The following PNPLA1 variants were observed in gnomAD, a reference collection of about 807,000 sequenced individuals.
The protein encoded by PNPLA1 is patatin like domain 1, omega-hydroxyceramide transacylase.
A neutral mutation model predicts 51.7 loss-of-function variants in PNPLA1; 36 were observed. That is an observed-to-expected ratio of 0.70 (90% CI 0.53 to 0.92). The LOEUF is 0.92. Ranked by LOEUF, PNPLA1 falls within the 40% of genes least tolerant of loss-of-function variation. The probability of loss-of-function intolerance (pLI) is 0.00; values close to 1 mark genes in which losing one functional copy is unlikely to be tolerated. For missense variants in PNPLA1, 658 were observed against 682.5 expected (o/e 0.96, Z 0.40); for synonymous variants, 293 against 280.1 (o/e 1.05, Z -0.46).
intron 1 of PNPLA1, among the ~76,000 whole-genome samples, chr6:36,281,742 G>A (rs935635852): frequency 2.6e-5 from 4 of 152,024 alleles, no homozygotes; most frequent in African/African-American, 9.7e-5. Context: ...AGATCTGGCC[G>A]GGTGCAGTGG....
At chr6:36,285,223 C>T (rs1218675546) in intron 1 of PNPLA1, among the ~76,000 whole-genome samples, 1 of 152,242 alleles carries the variant, frequency 6.6e-6, no homozygotes, top group Non-Finnish European at 1.5e-5. Flanking sequence ...TCTGAGCATT[C>T]GTCGGCGCCT....
chr6:36,264,038 A>G (rs1372380687), intron 1 of PNPLA1, among the ~76,000 whole-genome samples: 2 of 152,098 alleles, frequency 1.3e-5, no homozygotes, highest in African/African-American at 2.4e-5. Flanking sequence ...CTTCTGCCCC[A>G]TGACCGAACC....
At chr6:36,255,750 G>A (rs552481963) in intron 1 of PNPLA1, among the ~76,000 whole-genome samples, 10 of 152,204 alleles carry the variant, frequency 6.6e-5, no homozygotes, top group African/African-American at 2.4e-4. Flanking sequence ...ATTCTGTGAA[G>A]GTCTCTGAAA....
intron 1 of PNPLA1, among the ~76,000 whole-genome samples, chr6:36,257,918 T>C (rs1184956742): frequency 6.6e-6 from 1 of 152,258 alleles, no homozygotes; most frequent in Non-Finnish European, 1.5e-5. Flanking sequence ...TTGTTTTAGC[T>C]AGCCGTTAAA....
chr6:36,271,326 T>C (rs1769910383), intron 1 of PNPLA1, among the ~76,000 whole-genome samples: 1 of 152,158 alleles, frequency 6.6e-6, no homozygotes, highest in African/African-American at 2.4e-5. Context: ...GGACAGCAGA[T>C]GCATCTAGCA....
intron 8 of PNPLA1, among the ~76,000 whole-genome samples, chr6:36,311,176 T>A (rs1771400930): frequency 6.6e-6 from 1 of 152,198 alleles, no homozygotes; most frequent in African/African-American, 2.4e-5. Context: ...TGATGCACGC[T>A]GGAGTTTGAG....
chr6:36,290,565 G>A lies in PNPLA1; in HGVS notation c.206-755G>A, dbSNP rs998759541. On this transcript the variant is annotated intron_variant, in intron 1 of 8. Coordinates refer to ENST00000636260, the MANE Select transcript of PNPLA1 (RefSeq NM_001374623.1). ...ATTGTTGTGGGAATTAAGCAAGTTA[G>A]CACTTCTTATTAAGCTTACAACCCA... Among the ~76,000 whole-genome samples the A allele has an allele frequency of 2.6e-5, 4 of 152,316 alleles. No homozygotes were observed. The East Asian group carries it at 7.7e-4, about 29-fold the overall frequency.
intron 1 of PNPLA1, among the ~76,000 whole-genome samples, chr6:36,243,467 C>A (rs1366338243): frequency 6.6e-6 from 1 of 152,170 alleles, no homozygotes; most frequent in Non-Finnish European, 1.5e-5. Context: ...GTGGCAAGAG[C>A]TCCATCTTTG....
At chr6:36,257,734 C>G (rs1561848502) in intron 1 of PNPLA1, among the ~76,000 whole-genome samples, 1 of 152,176 alleles carries the variant, frequency 6.6e-6, no homozygotes, top group African/African-American at 2.4e-5. Context: ...GTTTTTACAT[C>G]TGAGTTGTCT....
At chr6:36,265,119 T>C (rs1440583024), upstream of PNPLA1, among the ~76,000 whole-genome samples, 2 of 152,040 alleles carry the variant, frequency 1.3e-5, no homozygotes, top group Non-Finnish European at 2.9e-5. Flanking sequence ...GGGGGGCGGG[T>C]CACCTGAGGT....
Position 36,291,560 on chromosome 6 carries a change from G to T in PNPLA1, c.438+8G>T, listed in dbSNP as rs1378026385. ...AAGGAGGAGCTCATTGAGGCAAGGG[G>T]GCTGGGCTGGGAGGGAGGGACACGG... On this transcript the variant is annotated splice_region_variant and intron_variant, in intron 2 of 8. Transcript: ENST00000636260. 2.6e-5 allele frequency: 38 copies of T among 1,436,128 alleles called. No individual in the cohort carries two copies. The highest frequency in any genetic ancestry group is 3.1e-5 in the Non-Finnish European group (32 of 1,037,158). The allele number at this position is 1,436,128 out of a possible 1,614,324, so 89.0% of individuals were successfully genotyped here.
chr6:36,247,192 G>T (rs1324751468), intron 1 of PNPLA1, among the ~76,000 whole-genome samples: 1 of 151,894 alleles, frequency 6.6e-6, no homozygotes, highest in Non-Finnish European at 1.5e-5. Context: ...TTTCCGGCTC[G>T]TGCCTTGGAG....
chr6:36,285,475 C>T (rs1770459609), intron 1 of PNPLA1, among the ~76,000 whole-genome samples: 1 of 152,228 alleles, frequency 6.6e-6, no homozygotes, highest in Admixed American at 6.5e-5. Flanking sequence ...TTATCAGCCC[C>T]AACTGCCCGC....
rs114568697 is a variant in PNPLA1, at chr6:36,300,909, G to C, written c.776-952G>C. ...TCTTCTCCCTGATTTACTTACCTACGTAATATATGTTTATATCAGTATGGA... is the reference window on the plus strand; with the variant it reads ...TCTTCTCCCTGATTTACTTACCTACCTAATATATGTTTATATCAGTATGGA... On this transcript the variant is annotated intron_variant, in intron 5 of 8. Coordinates refer to ENST00000636260, the MANE Select transcript of PNPLA1 (RefSeq NM_001374623.1). 4.5e-3 allele frequency among the ~76,000 whole-genome samples: 680 copies of C among 152,128 alleles called. 14 individuals carry two copies. The highest frequency in any genetic ancestry group is 0.016 in the African/African-American group (650 of 41,472).
In PNPLA1 at chr6:36,293,044, C is replaced by G. The variant is rs772941039; in HGVS notation, c.439-17C>G. The G allele has an allele frequency of 1.2e-6, 2 of 1,611,058 alleles. No individual in the cohort carries two copies. Among genetic ancestry groups the G allele is most frequent in the South Asian group, 2.2e-5 (2 of 90,770 alleles). The stretch of plus-strand genomic sequence containing the variant: ...CCCCCGGGCCTCCAGCATCTCAGCC[C>G]TGTTCTCTCCGCACAGGCCCTATAC... On this transcript the variant is annotated splice_polypyrimidine_tract_variant and intron_variant, in intron 2 of 8. Coordinates refer to ENST00000636260, the MANE Select transcript of PNPLA1 (RefSeq NM_001374623.1).
chr6:36,250,937 C>T (rs373026970), intron 1 of PNPLA1, among the ~76,000 whole-genome samples: 3 of 152,128 alleles, frequency 2.0e-5, no homozygotes, highest in East Asian at 3.9e-4. Context: ...CTCCTGACCT[C>T]GTGATCCACC....
At chr6:36,303,445 C>A (rs1295871977) in intron 6 of PNPLA1, among the ~76,000 whole-genome samples, 4 of 152,144 alleles carry the variant, frequency 2.6e-5, no homozygotes, top group Non-Finnish European at 5.9e-5. Flanking sequence ...TCAGAAGCAC[C>A]ACTATAGGGC....
At chr6:36,296,702 A>G (rs949640740) in intron 5 of PNPLA1, among the ~76,000 whole-genome samples, 4 of 152,114 alleles carry the variant, frequency 2.6e-5, no homozygotes, top group African/African-American at 9.7e-5. Context: ...AGGGGGGTGG[A>G]GAGGCTGGAC....
At chr6:36,251,325 G>A (rs1769417436) in intron 1 of PNPLA1, among the ~76,000 whole-genome samples, 1 of 152,278 alleles carries the variant, frequency 6.6e-6, no homozygotes, top group East Asian at 1.9e-4. Context: ...CTGGGCTGCT[G>A]GGTTTGGTTT....
Sources: gnomAD v4.1 joint callset for allele counts (sites outside exome capture counted in the v4.1 genomes callset) on GRCh38, gnomAD v4.1.1 for gene constraint, MANE v1.5 for transcripts, NCBI Gene and HGNC (gene_info 2026-07-23, HGNC 2026-07-21) for gene names.